Variants in TENT5D observed in about 807,000 individuals in gnomAD.
TENT5D encodes the protein cancer/testis antigen 112.
For synonymous variants in TENT5D, 103 were observed against 100.6 expected (o/e 1.02, Z -0.15); for missense variants, 191 against 287.0 (o/e 0.67, Z 2.42).
intron 3 of TENT5D, among the ~76,000 whole-genome samples, chrX:80,391,299 C>T (rs1234212923): frequency 3.6e-5 from 4 of 111,244 alleles, no homozygotes; most frequent in African/African-American, 9.8e-5. Flanking sequence ...CTGCGATATA[C>T]TAGGGAGGTG....
exon 3 of TENT5D, chrX:80,445,139 G>T (rs901061005): frequency 8.2e-6 from 1 of 122,464 alleles, no homozygotes; most frequent in Non-Finnish European, 1.9e-5. Flanking sequence ...ACCAAATACG[G>T]CATTTTCAAA....
chrX:80,405,592 C>T (rs2147548415), intron 3 of TENT5D, among the ~76,000 whole-genome samples: 1 of 112,234 alleles, frequency 8.9e-6, no homozygotes, highest in East Asian at 2.8e-4. Context: ...GCACCTGGCT[C>T]GGAGGGTCCT....
chrX:80,409,640 A>G (rs1190344295), intron 3 of TENT5D, among the ~76,000 whole-genome samples: 3 of 111,752 alleles, frequency 2.7e-5, no homozygotes, highest in Non-Finnish European at 5.6e-5. Flanking sequence ...ATGGGTGGGA[A>G]GAATCAATAT....
chrX:80,405,301 A>G (rs1437473670), intron 3 of TENT5D, among the ~76,000 whole-genome samples: 3 of 112,783 alleles, frequency 2.7e-5, no homozygotes, highest in East Asian at 2.8e-4. Context: ...CAGTGTGAGC[A>G]ACACAGAAGA....
At chrX:80,405,222 A>C (rs191601329) in intron 3 of TENT5D, among the ~76,000 whole-genome samples, 1 of 112,140 alleles carries the variant, frequency 8.9e-6, no homozygotes, top group East Asian at 2.8e-4. Flanking sequence ...AGAGTAAATC[A>C]ATCTGTTAAG....
chrX:80,412,007 C>T (rs1023165041), intron 3 of TENT5D, among the ~76,000 whole-genome samples: 1 of 112,367 alleles, frequency 8.9e-6, no homozygotes, highest in Non-Finnish European at 1.9e-5. Context: ...GGGGCCCCAC[C>T]CCTGGAGCAA....
At position 80,338,568 on chromosome X, in the gene TENT5D, CTTTG is replaced by C. The variant is rs200345445; in HGVS notation, c.-207+2856_-207+2859del. On this transcript the variant is annotated intron_variant, in intron 2 of 4. Coordinates refer to the TENT5D transcript ENST00000538312. ...AACCCAGTGTATTACAGAGAACAAA[CTTTG>C]TTTAAGTTAAAAACATTTATGAAAC... 7.6e-3 allele frequency among the ~76,000 whole-genome samples: 859 copies of C among 112,362 alleles called. 6 individuals are homozygous for C. The highest frequency in any genetic ancestry group is 0.024 in the African/African-American group (734 of 30,985).
At chrX:80,405,940 C>G (rs939880692) in intron 3 of TENT5D, among the ~76,000 whole-genome samples, 4 of 109,639 alleles carry the variant, frequency 3.6e-5, no homozygotes, top group Non-Finnish European at 5.7e-5. Context: ...GGGTCCCTGA[C>G]CCCTGACCCC....
intron 3 of TENT5D, among the ~76,000 whole-genome samples, chrX:80,356,615 C>T (rs182709665): frequency 2.5e-3 from 274 of 111,058 alleles, no homozygotes; most frequent in African/African-American, 8.7e-3. Flanking sequence ...ATTATCCTAA[C>T]GCAAAAGATT....
At chrX:80,390,688 GAGAGT>G (rs1462918908) in intron 3 of TENT5D, among the ~76,000 whole-genome samples, 1 of 111,241 alleles carries the variant, frequency 9.0e-6, no homozygotes, top group African/African-American at 3.3e-5. Context: ...AAGATGCTCA[GAGAGT>G]AGAGTACTGG....
At chrX:80,384,586 A>C (rs1930951015) in intron 3 of TENT5D, among the ~76,000 whole-genome samples, 1 of 89,990 alleles carries the variant, frequency 1.1e-5, no homozygotes, top group Non-Finnish European at 2.2e-5. Flanking sequence ...GCAATCAGGC[A>C]GGAGAAAGAA....
At chrX:80,398,352 G>A (rs1365284679) in intron 3 of TENT5D, among the ~76,000 whole-genome samples, 1 of 111,762 alleles carries the variant, frequency 8.9e-6, no homozygotes, top group Non-Finnish European at 1.9e-5. Flanking sequence ...TCTGTACATT[G>A]TGTTTCTACT....
At chrX:80,409,442 T>C (rs1376466037) in intron 3 of TENT5D, among the ~76,000 whole-genome samples, 1 of 111,220 alleles carries the variant, frequency 9.0e-6, no homozygotes, top group Non-Finnish European at 1.9e-5. Context: ...ACAAGCATTC[T>C]TATACACCAA....
intron 3 of TENT5D, among the ~76,000 whole-genome samples, chrX:80,415,152 G>A (rs1931743962): frequency 8.9e-6 from 1 of 111,751 alleles, no homozygotes; most frequent in South Asian, 3.7e-4. Context: ...GTATCCTGAA[G>A]ATTTGATGAA....
At chrX:80,406,004 C>G (rs370804889) in intron 3 of TENT5D, among the ~76,000 whole-genome samples, 1 of 101,756 alleles carries the variant, frequency 9.8e-6, no homozygotes, top group Non-Finnish European at 2.0e-5. Flanking sequence ...ACACCTCACA[C>G]GGCAGGGTAT....
chrX:80,386,314 A>G (rs1372605527), intron 3 of TENT5D, among the ~76,000 whole-genome samples: 8 of 110,571 alleles, frequency 7.2e-5, no homozygotes, highest in Non-Finnish European at 1.5e-4. Context: ...TCAGCAAACT[A>G]TCACAATGGC....
intron 3 of TENT5D, among the ~76,000 whole-genome samples, chrX:80,383,396 C>T (rs1391660988): frequency 3.6e-5 from 4 of 111,845 alleles, no homozygotes; most frequent in Non-Finnish European, 7.5e-5. Flanking sequence ...CTGCCCTTGG[C>T]TGATGAGTGC....
chrX:80,359,260 G>A (rs1930355450), intron 3 of TENT5D, among the ~76,000 whole-genome samples: 1 of 111,695 alleles, frequency 9.0e-6, no homozygotes, highest in Admixed American at 9.5e-5. Flanking sequence ...CAGGGATCTA[G>A]AGCCAGAAAT....
At chrX:80,396,737 A>G (rs1439676983) in intron 3 of TENT5D, among the ~76,000 whole-genome samples, 1 of 101,921 alleles carries the variant, frequency 9.8e-6, no homozygotes, top group African/African-American at 3.6e-5. Context: ...CCCTCTTTCT[A>G]TTCCACAAAA....
Sources: allele counts gnomAD v4.1 joint callset (sites outside exome capture counted in the v4.1 genomes callset), GRCh38; gene constraint gnomAD v4.1.1; transcripts MANE v1.5; gene names NCBI Gene and HGNC (gene_info 2026-07-23, HGNC 2026-07-21).